Variants in ATF7 observed in about 807,000 individuals in gnomAD.
The protein encoded by ATF7 is cyclic AMP-dependent transcription factor ATF-7.
ATF7 carries 10 observed loss-of-function variants against 50.4 expected under a neutral mutation model. The ratio of observed to expected loss-of-function variants is 0.20; its 90% CI spans 0.12 to 0.34. ATF7 has a LOEUF of 0.34. Among genes scored for constraint, ATF7 ranks in the 10% least tolerant of loss-of-function variants. The pLI, the probability that ATF7 is intolerant of heterozygous loss-of-function variation, is 1.00. For missense variants in ATF7, 465 were observed against 613.9 expected (o/e 0.76, Z 2.56); for synonymous variants, 201 against 226.4 (o/e 0.89, Z 1.01).
intron 2 of ATF7, among the ~76,000 whole-genome samples, chr12:53,593,338 G>A (rs931480613): frequency 6.6e-6 from 1 of 152,054 alleles, no homozygotes; most frequent in Non-Finnish European, 1.5e-5. Context: ...AGGCTTCAGT[G>A]AGTTATGATT....
At chr12:53,587,788 T>C (rs1942759850) in intron 2 of ATF7, among the ~76,000 whole-genome samples, 1 of 145,800 alleles carries the variant, frequency 6.9e-6, no homozygotes, top group South Asian at 2.2e-4. Context: ...TTAGATTCTC[T>C]GGTCTCTTTT....
At chr12:53,550,371 A>T (rs572047129) in intron 3 of ATF7, among the ~76,000 whole-genome samples, 85 of 142,150 alleles carry the variant, frequency 6.0e-4, no homozygotes, top group African/African-American at 1.6e-3. Flanking sequence ...AATAAATAAT[A>T]AATATAAATA....
Position 53,532,496 on chromosome 12 carries a change from T to C in ATF7, c.774+14A>G. 1 of 1,555,154 alleles carries C rather than the reference T, an allele frequency of 6.4e-7. No homozygotes were observed. The highest frequency in any genetic ancestry group is 8.8e-7 in the Non-Finnish European group (1 of 1,140,082). ...CAGAAAGGCCAACATTGCCCCAGAC[T>C]GGGATGTACTCACCATCTTGGCTTC... On this transcript the variant is annotated intron_variant, in intron 8 of 11. Coordinates refer to ENST00000420353, the MANE Select transcript of ATF7 (RefSeq NM_006856.3).
At chr12:53,538,411 A>G (rs993787511) in intron 4 of ATF7, among the ~76,000 whole-genome samples, 3 of 152,196 alleles carry the variant, frequency 2.0e-5, no homozygotes, top group Non-Finnish European at 4.4e-5. Flanking sequence ...TGTATCAGGT[A>G]GACAAGGGGT....
chr12:53,609,800 C>T (rs990600353), intron 1 of ATF7, among the ~76,000 whole-genome samples: 8 of 141,208 alleles, frequency 5.7e-5, no homozygotes, highest in Non-Finnish European at 9.2e-5. Context: ...ACTAATTAGC[C>T]TTATTGTTTT....
rs1430598272 is a variant in ATF7, at chr12:53,524,477, C to T, written c.1125+87G>A. The T allele has an allele frequency of 9.1e-6, 13 of 1,435,180 alleles. 1 individual carries two copies. The highest frequency in any genetic ancestry group is 7.2e-5 in the South Asian group (6 of 83,680). The allele number at this position is 1,435,180 out of a possible 1,614,324, so 88.9% of individuals were successfully genotyped here. ...TCTGTCCTAATTAGAGAATTACCATCTTCTATCAAATTGTACCACTTTTTT... is the reference window on the plus strand; with the variant it reads ...TCTGTCCTAATTAGAGAATTACCATTTTCTATCAAATTGTACCACTTTTTT... On this transcript the variant is annotated intron_variant, in intron 10 of 11. Transcript: ENST00000420353. The surrounding 1 kb of genome is among the most constrained non-coding windows in gnomAD (Gnocchi z 4.6).
rs1022196856 is a variant in ATF7, at chr12:53,515,586, A to C, written c.*1551T>G. ...GAGCCAAGGGGAGATGAGAAGCCTT[A>C]ACGTGGAAGAGGGACAAGAGAGATG... On this transcript the variant is annotated 3_prime_UTR_variant, in exon 12 of 12. Coordinates refer to ENST00000420353, the MANE Select transcript of ATF7 (RefSeq NM_006856.3). The C allele has an allele frequency of 6.6e-6, 1 of 152,174 alleles. No homozygotes were observed. The highest frequency in any genetic ancestry group is 2.4e-5 in the African/African-American group (1 of 41,446). The allele number at this position is 152,174 out of a possible 1,614,324, so 9.4% of individuals were successfully genotyped here. A position where few individuals can be genotyped will look rare whatever the true frequency, so the allele number is the denominator to read the frequency against.
chr12:53,583,768 C>A (rs1039904754), intron 2 of ATF7, among the ~76,000 whole-genome samples: 15 of 152,050 alleles, frequency 9.9e-5, no homozygotes, highest in African/African-American at 3.6e-4. Flanking sequence ...AGACAAGCTA[C>A]AGAATGGGAG....
chr12:53,518,450 A>G (rs150060073), intron 11 of ATF7, among the ~76,000 whole-genome samples: 1 of 152,338 alleles, frequency 6.6e-6, no homozygotes, highest in African/African-American at 2.4e-5. Flanking sequence ...CATGTTGCTC[A>G]TTAGTCAAAT....
intron 11 of ATF7, among the ~76,000 whole-genome samples, chr12:53,518,093 G>A (rs985637469): frequency 6.6e-6 from 1 of 152,080 alleles, no homozygotes; most frequent in African/African-American, 2.4e-5. Flanking sequence ...TCAAACTCCT[G>A]ACCTCAAGTG....
intron 2 of ATF7, among the ~76,000 whole-genome samples, chr12:53,572,949 C>A (rs961974917): frequency 6.6e-6 from 1 of 151,898 alleles, no homozygotes; most frequent in African/African-American, 2.4e-5. Context: ...CCACACCCAG[C>A]TAATTTTGTG....
intron 1 of ATF7, among the ~76,000 whole-genome samples, chr12:53,623,783 G>C (rs1944494309): frequency 6.6e-6 from 1 of 152,184 alleles, no homozygotes; most frequent in East Asian, 1.9e-4. Flanking sequence ...TGTTCAGACA[G>C]AGCCAGTGAC....
chr12:53,601,920 G>A (rs186467756), intron 1 of ATF7, among the ~76,000 whole-genome samples: 81 of 152,262 alleles, frequency 5.3e-4, no homozygotes, highest in African/African-American at 1.9e-3. Context: ...ATAAATTATT[G>A]AAGCTAAACT....
chr12:53,582,708 A>G (rs942044534), intron 2 of ATF7, among the ~76,000 whole-genome samples: 2 of 152,152 alleles, frequency 1.3e-5, no homozygotes, highest in East Asian at 1.9e-4. Flanking sequence ...CCTCCGGAGT[A>G]GCTGGGACTA....
At chr12:53,576,929 G>A (rs1190213791) in intron 2 of ATF7, among the ~76,000 whole-genome samples, 1 of 152,110 alleles carries the variant, frequency 6.6e-6, no homozygotes, top group Admixed American at 6.6e-5. Flanking sequence ...GGTTGCGCAA[G>A]ACTGTAGTCC....
chr12:53,531,488 A>G (rs944956294), intron 9 of ATF7, among the ~76,000 whole-genome samples: 2 of 152,112 alleles, frequency 1.3e-5, no homozygotes, highest in Non-Finnish European at 2.9e-5. Context: ...TGTTTGCATG[A>G]AAGTCTAACA....
At chr12:53,540,057 C>CAAA (rs966264907) in intron 4 of ATF7, among the ~76,000 whole-genome samples, 1 of 149,038 alleles carries the variant, frequency 6.7e-6, no homozygotes, top group African/African-American at 2.5e-5. Context: ...GGCTCTGTCT[C>CAAA]AAAAAAAATA....
Position 53,536,315 on chromosome 12 carries a change from C to T in ATF7, c.402+1100G>A, listed in dbSNP as rs374518971. Among the ~76,000 whole-genome samples, 60 of 147,702 alleles carry T rather than the reference C, an allele frequency of 4.1e-4. No individual in the cohort carries two copies. The South Asian group carries it at 0.012, about 31-fold the overall frequency. ...TTTTTGAGACGGAGTTTTGCTCTGTCGCTCAGGCTGGAGTGCAATGGTGCA... is the reference window on the plus strand; with the variant it reads ...TTTTTGAGACGGAGTTTTGCTCTGTTGCTCAGGCTGGAGTGCAATGGTGCA... On this transcript the variant is annotated intron_variant, in intron 5 of 11. Transcript: ENST00000420353.
chr12:53,523,925 A>G (rs1030566528), intron 10 of ATF7, among the ~76,000 whole-genome samples: 4 of 152,304 alleles, frequency 2.6e-5, no homozygotes, highest in South Asian at 2.1e-4. Flanking sequence ...CTCCAGCCCT[A>G]CACAAGAACT....
Sources: gnomAD v4.1 joint callset for allele counts (sites outside exome capture counted in the v4.1 genomes callset) on GRCh38, gnomAD v4.1.1 for gene constraint, Gnocchi (gnomAD v3.1) non-coding constraint, MANE v1.5 for transcripts, NCBI Gene and HGNC (gene_info 2026-07-23, HGNC 2026-07-21) for gene names.